RBFOX1: variants seen among roughly 807,000 people sequenced by gnomAD.
RBFOX1 encodes the protein RNA binding fox-1 homolog 1, also known as RNA binding protein fox-1 homolog 1.
RBFOX1 carries 8 observed loss-of-function variants against 57.7 expected under a neutral mutation model. The ratio of observed to expected loss-of-function variants is 0.14; its 90% confidence interval spans 0.08 to 0.25. The LOEUF is 0.25. Ranked by LOEUF, RBFOX1 falls within the 10% of genes least tolerant of loss-of-function variation. The pLI is 1.00. For synonymous variants in RBFOX1, 326 were observed against 222.4 expected (o/e 1.47, Z -4.15); for missense variants, 611 against 548.5 (o/e 1.11, Z -1.14).
chr16:7,495,900 A>G (rs1457967696), intron 4 of RBFOX1, among the ~76,000 whole-genome samples: 1 of 60,752 alleles, frequency 1.6e-5, no homozygotes, highest in African/African-American at 6.2e-5. Flanking sequence ...AAGATACTAG[A>G]CTATTTTTTT....
intron 4 of RBFOX1, among the ~76,000 whole-genome samples, chr16:7,503,734 G>A (rs930082938): frequency 6.6e-6 from 1 of 152,164 alleles, no homozygotes; most frequent in African/African-American, 2.4e-5. Flanking sequence ...AATTCAAAAT[G>A]CATCTGTCTG....
At position 6,615,367 on chromosome 16, in the gene RBFOX1, G is replaced by A. The variant is rs547905530; in HGVS notation, c.-63-39236G>A. Among the ~76,000 whole-genome samples, 15 of 152,076 alleles carry A rather than the reference G, an allele frequency of 9.9e-5. No homozygotes were observed. The South Asian group carries it at 2.3e-3, about 23-fold the overall frequency. ...GGTGGATCACCTGAGGTCAGGAGTTGGAGACCAGCCTGGCCAACATGCCAA... is the reference window on the plus strand; with the variant it reads ...GGTGGATCACCTGAGGTCAGGAGTTAGAGACCAGCCTGGCCAACATGCCAA... On this transcript the variant is annotated intron_variant, in intron 2 of 15. Coordinates refer to ENST00000550418, the MANE Select transcript of RBFOX1 (RefSeq NM_018723.4).
intron 4 of RBFOX1, among the ~76,000 whole-genome samples, chr16:5,923,159 G>A (rs1243044998): frequency 6.6e-6 from 1 of 152,212 alleles, no homozygotes; most frequent in African/African-American, 2.4e-5. Flanking sequence ...AACCAGAGAG[G>A]AAAAACGGCT....
intron 11 of RBFOX1, among the ~76,000 whole-genome samples, chr16:7,640,872 A>G (rs2062667690): frequency 6.8e-6 from 1 of 146,212 alleles, no homozygotes; most frequent in Admixed American, 7.0e-5. Flanking sequence ...TCTGCCCTTT[A>G]TTTGCTTCCC....
intron 5 of RBFOX1, among the ~76,000 whole-genome samples, chr16:7,566,574 G>C (rs1412073572): frequency 6.6e-6 from 1 of 152,090 alleles, no homozygotes; most frequent in Non-Finnish European, 1.5e-5. Context: ...AGTTTTCCTA[G>C]TTGTTATGGC....
At chr16:7,511,297 C>G (rs796148840) in intron 4 of RBFOX1, among the ~76,000 whole-genome samples, 7 of 152,288 alleles carry the variant, frequency 4.6e-5, no homozygotes, top group African/African-American at 1.7e-4. Context: ...TTGTTAGTTT[C>G]TCAAAACTAC....
At chr16:7,470,778 A>G (rs1421846468) in intron 4 of RBFOX1, among the ~76,000 whole-genome samples, 6 of 152,148 alleles carry the variant, frequency 3.9e-5, no homozygotes, top group Non-Finnish European at 8.8e-5. Context: ...GATTTATGCC[A>G]TTGATCTCAC....
intron 4 of RBFOX1, among the ~76,000 whole-genome samples, chr16:7,205,402 C>A (rs1045113270): frequency 6.6e-6 from 1 of 151,632 alleles, no homozygotes; most frequent in African/African-American, 2.4e-5. Flanking sequence ...CCTGTAATCC[C>A]AGCTACTCGG....
intron 1 of RBFOX1, among the ~76,000 whole-genome samples, chr16:5,327,544 CT>C (rs2064615543): frequency 6.6e-6 from 1 of 152,188 alleles, no homozygotes; most frequent in East Asian, 1.9e-4. Flanking sequence ...GCAGCAGCTG[CT>C]GCTTAATTTT....
At chr16:7,691,982 C>A (rs1219658461) in intron 14 of RBFOX1, among the ~76,000 whole-genome samples, 5 of 152,074 alleles carry the variant, frequency 3.3e-5, no homozygotes, top group Admixed American at 6.6e-5. Context: ...TTAGGAATTC[C>A]CGTGTTATTG....
At chr16:7,154,548 T>A (rs9940754) in intron 4 of RBFOX1, among the ~76,000 whole-genome samples, 59,250 of 151,740 alleles carry the variant, frequency 0.39, 12,751 homozygotes, top group African/African-American at 0.59. Context: ...AGTTGTTAGA[T>A]AGTCTTCCTC....
chr16:6,040,411 A>C (rs2095423323), intron 1 of RBFOX1, among the ~76,000 whole-genome samples: 1 of 152,156 alleles, frequency 6.6e-6, no homozygotes, highest in African/African-American at 2.4e-5. Flanking sequence ...TTCTGTGTTT[A>C]TGATTTTAAC....
Position 7,228,610 on chromosome 16 carries a change from T to G in RBFOX1, c.27+176512T>G, listed in dbSNP as rs374156793. Among the ~76,000 whole-genome samples, 8 of 152,320 alleles carry G rather than the reference T, an allele frequency of 5.3e-5. No individual in the cohort carries two copies. In the South Asian group the frequency reaches 1.2e-3, roughly 24 times the overall value. ...CAGCCGTAAGGGAGTAGAGACCTGA[T>G]TCAAATCTTGGGCTAGAAGGATTCT... On this transcript the variant is annotated intron_variant, in intron 4 of 15. Transcript: ENST00000550418.
chr16:5,581,003 A>AT lies in RBFOX1; in HGVS notation c.259-17899_259-17898insT, dbSNP rs2046646273. Among the ~76,000 whole-genome samples the AT allele has an allele frequency of 2.6e-5, 4 of 152,314 alleles. No homozygotes were observed. In the South Asian group the frequency reaches 8.3e-4, roughly 32 times the overall value. Reference sequence around the variant, plus strand: ...TCTTCAGGAGAGGCTGGGATGATTCAAGGGCTGTCAGTGTGCACAGACCTG... The same window carrying AT: ...TCTTCAGGAGAGGCTGGGATGATTCATAGGGCTGTCAGTGTGCACAGACCTG... On this transcript the variant is annotated intron_variant, in intron 2 of 2. Transcript: ENST00000585867.
chr16:5,546,874 T>C lies in RBFOX1; in HGVS notation c.259-52028T>C, dbSNP rs142389326. Among the ~76,000 whole-genome samples, 359 of 152,324 alleles carry C rather than the reference T, an allele frequency of 2.4e-3. 3 individuals carry two copies. Among genetic ancestry groups the C allele is most frequent in the African/African-American group, 8.2e-3 (340 of 41,576 alleles). Reference sequence around the variant, plus strand: ...AACTATATATCTGATAAAGGACTTATGTGTAGAATGGGTAAAGAACTCTCA... The same window carrying C: ...AACTATATATCTGATAAAGGACTTACGTGTAGAATGGGTAAAGAACTCTCA... On this transcript the variant is annotated intron_variant, in intron 2 of 2. Transcript: ENST00000585867.
chr16:5,399,040 C>T (rs1318228118), intron 1 of RBFOX1, among the ~76,000 whole-genome samples: 1 of 152,184 alleles, frequency 6.6e-6, no homozygotes, highest in Non-Finnish European at 1.5e-5. Flanking sequence ...GAGCTTAAGC[C>T]TTTCCTCCAG....
intron 3 of RBFOX1, among the ~76,000 whole-genome samples, chr16:5,825,194 T>C (rs1247443780): frequency 6.6e-6 from 1 of 152,238 alleles, no homozygotes. Context: ...TTCAAAACCT[T>C]GCAAGCGTTG....
intron 1 of RBFOX1, among the ~76,000 whole-genome samples, chr16:6,207,453 G>A: frequency 6.6e-6 from 1 of 152,170 alleles, no homozygotes; most frequent in East Asian, 1.9e-4. Flanking sequence ...CTGGAATGAT[G>A]AAAATCAAGG....
intron 1 of RBFOX1, among the ~76,000 whole-genome samples, chr16:6,195,623 G>A (rs2097174912): frequency 6.6e-6 from 1 of 152,052 alleles, no homozygotes; most frequent in Non-Finnish European, 1.5e-5. Flanking sequence ...GGAGGCTGAG[G>A]CAGGAGAATC....
Sources: allele counts gnomAD v4.1 joint callset (sites outside exome capture counted in the v4.1 genomes callset), GRCh38; gene constraint gnomAD v4.1.1; transcripts MANE v1.5; gene names NCBI Gene and HGNC (gene_info 2026-07-23, HGNC 2026-07-21).